ARMH3: variants seen among roughly 807,000 people sequenced by gnomAD.
ARMH3 encodes the protein armadillo like helical domain containing 3.
ARMH3 carries 60 observed loss-of-function variants against 99.1 expected under a neutral mutation model. That is an observed-to-expected ratio of 0.61 (90% CI 0.49 to 0.75). ARMH3 has a LOEUF of 0.75. Among genes scored for constraint, ARMH3 ranks in the 30% least tolerant of loss-of-function variants. The pLI is 0.00. For synonymous variants in ARMH3, 285 were observed against 292.8 expected (o/e 0.97, Z 0.27); for missense variants, 679 against 843.1 (o/e 0.81, Z 2.41).
intron 20 of ARMH3, among the ~76,000 whole-genome samples, chr10:101,959,343 CCA>C (rs905166578): frequency 3.9e-5 from 6 of 152,202 alleles, no homozygotes; most frequent in African/African-American, 1.4e-4. Context: ...CACCTAATCC[CCA>C]GAGTTTAGAC....
At chr10:101,942,745 A>T (rs1205909273) in intron 22 of ARMH3, among the ~76,000 whole-genome samples, 1 of 152,162 alleles carries the variant, frequency 6.6e-6, no homozygotes, top group African/African-American at 2.4e-5. Context: ...ACATGCCAGT[A>T]GTCCCAACTA....
At chr10:101,907,287 TA>T (rs2135526285) in intron 23 of ARMH3, among the ~76,000 whole-genome samples, 1 of 152,262 alleles carries the variant, frequency 6.6e-6, no homozygotes, top group African/African-American at 2.4e-5. Context: ...ACTGAGAAGT[TA>T]TAGTGAATAT....
intron 8 of ARMH3, among the ~76,000 whole-genome samples, chr10:102,021,353 T>C (rs1168434797): frequency 6.6e-6 from 1 of 151,978 alleles, no homozygotes; most frequent in Non-Finnish European, 1.5e-5. Flanking sequence ...GTGCTGAGAT[T>C]ACAGGCGTAA....
intron 20 of ARMH3, among the ~76,000 whole-genome samples, chr10:101,959,251 A>G (rs1845175117): frequency 6.6e-6 from 1 of 152,182 alleles, no homozygotes. Context: ...GCTAAAATTC[A>G]CATAAAAATG....
chr10:101,948,459 C>T (rs931378960), intron 22 of ARMH3, among the ~76,000 whole-genome samples: 5 of 152,120 alleles, frequency 3.3e-5, no homozygotes, highest in Admixed American at 1.3e-4. Context: ...AAAGTGGCTA[C>T]ATTAAAGTCA....
intron 2 of ARMH3, among the ~76,000 whole-genome samples, chr10:102,034,355 G>A (rs887791612): frequency 7.9e-5 from 12 of 152,154 alleles, no homozygotes; most frequent in East Asian, 1.9e-4. Context: ...AGAGAACCCC[G>A]GCCAGGCACG....
intron 19 of ARMH3, among the ~76,000 whole-genome samples, chr10:101,987,774 G>A (rs955135480): frequency 2.0e-5 from 3 of 152,170 alleles, no homozygotes; most frequent in African/African-American, 7.2e-5. Context: ...GTGAAGAACT[G>A]AGGCTTACCA....
chr10:101,985,399 T>G, intron 19 of ARMH3, among the ~76,000 whole-genome samples: 1 of 151,356 alleles, frequency 6.6e-6, no homozygotes, highest in Admixed American at 6.6e-5. Context: ...CATACATACA[T>G]GTGTATATGT....
At chr10:102,043,243 G>C (rs1422043522) in intron 1 of ARMH3, among the ~76,000 whole-genome samples, 1 of 152,196 alleles carries the variant, frequency 6.6e-6, no homozygotes, top group Non-Finnish European at 1.5e-5. Flanking sequence ...AATGGAACAA[G>C]CAACCAGCAG....
chr10:101,998,026 T>C (rs1336169063), intron 15 of ARMH3, among the ~76,000 whole-genome samples: 1 of 152,212 alleles, frequency 6.6e-6, no homozygotes, highest in Non-Finnish European at 1.5e-5. Context: ...ACCTTGCCCT[T>C]TGCCATATTT....
At chr10:101,920,841 TACA>T (rs1441677479) in intron 23 of ARMH3, among the ~76,000 whole-genome samples, 1 of 152,114 alleles carries the variant, frequency 6.6e-6, no homozygotes, top group Non-Finnish European at 1.5e-5. Context: ...TGACATATGC[TACA>T]ACATGGATGA....
intron 2 of ARMH3, among the ~76,000 whole-genome samples, chr10:102,035,582 T>C (rs892755373): frequency 1.3e-5 from 2 of 152,238 alleles, no homozygotes; most frequent in Non-Finnish European, 2.9e-5. Flanking sequence ...TTTCGTATTT[T>C]TTTGGTGGAG....
chr10:102,011,890 C>T (rs1178337150), intron 10 of ARMH3, 107 bp from the exon 11 acceptor site: 1 of 801,090 alleles, frequency 1.2e-6, no homozygotes. Context: ...TCTCTGACTC[C>T]AGAAAACTAA....
At chr10:101,999,259 T>G (rs2066292241) in intron 15 of ARMH3, among the ~76,000 whole-genome samples, 1 of 152,146 alleles carries the variant, frequency 6.6e-6, no homozygotes, top group Non-Finnish European at 1.5e-5. Context: ...TGGCATGATT[T>G]TGGCTCACTG....
chr10:101,857,224 G>A (rs188218545), intron 24 of ARMH3, among the ~76,000 whole-genome samples: 2 of 152,276 alleles, frequency 1.3e-5, no homozygotes, highest in African/African-American at 2.4e-5. Flanking sequence ...TTGGAAGGCC[G>A]AGGTGGGCGG....
rs371590720 is a variant in ARMH3, at chr10:102,046,509, G to A, written c.-11-6384C>T. On this transcript the variant is annotated intron_variant, in intron 1 of 25. Transcript: ENST00000370033. ...CTCTACTAAAAATACAAAATTAGCCGGGCATGGTAGCACATGCCTGTAATC... is the reference window on the plus strand; with the variant it reads ...CTCTACTAAAAATACAAAATTAGCCAGGCATGGTAGCACATGCCTGTAATC... Among the ~76,000 whole-genome samples the A allele has an allele frequency of 3.9e-5, 6 of 152,048 alleles. No individual in the cohort carries two copies. The East Asian group carries it at 5.8e-4, about 15-fold the overall frequency.
intron 23 of ARMH3, among the ~76,000 whole-genome samples, chr10:101,918,404 C>T (rs1299883202): frequency 6.6e-6 from 1 of 152,134 alleles, no homozygotes; most frequent in East Asian, 1.9e-4. Flanking sequence ...AGAGCTTTCC[C>T]CAACTCATTC....
At chr10:101,916,843 G>C (rs1360047831) in intron 23 of ARMH3, among the ~76,000 whole-genome samples, 1 of 152,172 alleles carries the variant, frequency 6.6e-6, no homozygotes, top group African/African-American at 2.4e-5. Context: ...CAAATTCTCT[G>C]TTTCTCTTTT....
In ARMH3 at chr10:102,031,887, C is replaced by T. The variant is rs577938813; in HGVS notation, c.306+1139G>A. On this transcript the variant is annotated intron_variant, in intron 4 of 25. Transcript: ENST00000370033. The stretch of plus-strand genomic sequence containing the variant: ...CCAAGTAGCTGGGATTACAGGCATG[C>T]GCCACCACGCCCGGCTAATTTTTTG... Among the ~76,000 whole-genome samples the T allele has an allele frequency of 2.5e-4, 38 of 152,236 alleles. 1 individual carries two copies. In the South Asian group the frequency reaches 7.1e-3, roughly 28 times the overall value.
Sources: gnomAD v4.1 joint callset for allele counts (sites outside exome capture counted in the v4.1 genomes callset) on GRCh38, gnomAD v4.1.1 for gene constraint, MANE v1.5 for transcripts, NCBI Gene and HGNC (gene_info 2026-07-23, HGNC 2026-07-21) for gene names.